TMEM171: variants seen among roughly 807,000 people sequenced by gnomAD.
The protein encoded by TMEM171 is proline-rich protein PRP2.
Under a neutral mutation model 19.1 loss-of-function variants are expected in TMEM171, and 16 were observed. That is an observed-to-expected ratio of 0.84 (90% CI 0.57 to 1.27). TMEM171 has a LOEUF of 1.27. Among genes scored for constraint, TMEM171 ranks in the 50% most tolerant of loss-of-function variants. TMEM171 has a pLI of 0.00. For synonymous variants in TMEM171, 153 were observed against 163.4 expected (o/e 0.94, Z 0.48); for missense variants, 429 against 412.7 (o/e 1.04, Z -0.34).
chr5:73,127,384 A>ATAATATATATATATATATATAT (rs1554078607), intron 2 of TMEM171, among the ~76,000 whole-genome samples: 3 of 81,696 alleles, frequency 3.7e-5, no homozygotes, highest in African/African-American at 2.0e-4. Context: ...AAAAAAAAAA[A>ATAATATATATATATATATATAT]ATATATATAT....
rs150651292 is a variant in TMEM171 at position 73,127,369 on chromosome 5, TAAAA to T, written c.641-1008_641-1005del. On this transcript the variant is annotated intron_variant, in intron 2 of 3. Transcript: ENST00000454765. ...AGGCCTACTTTTAAAAAATTTGTGG[TAAAA>T]AAAAAAAAAAAATATATATATATAT... Among the ~76,000 whole-genome samples, 26 of 97,196 alleles carry T rather than the reference TAAAA, an allele frequency of 2.7e-4. 1 individual carries two copies. Among genetic ancestry groups the T allele is most frequent in the African/African-American group, 1.1e-3 (21 of 19,234 alleles). 63.8% of individuals were successfully genotyped at this position (97,196 alleles called of 152,430 possible). A position where few individuals can be genotyped will look rare whatever the true frequency, so the allele number is the denominator to read the frequency against.
At chr5:73,125,288 G>T (rs947374156) in intron 2 of TMEM171, among the ~76,000 whole-genome samples, 1 of 152,174 alleles carries the variant, frequency 6.6e-6, no homozygotes, top group African/African-American at 2.4e-5. Context: ...ACCCATTTAA[G>T]TGCTTTATCA....
rs200094179 is a variant in TMEM171, at chr5:73,131,597, T to C, written c.842T>C (p.Ile281Thr). ...SERDCESIYT[I>T]SGTNSSSEAS... is the part of the protein sequence containing the mutation. ...AGAGACTGTGAATCTATATATACCA[T>C]TTCTGGGACGAATTCATCTTCTGAG... The change falls in exon 4 of 4, where the codon ATT (isoleucine) becomes ACT (threonine). Residue 281 changes from isoleucine (I) to threonine (T), a missense_variant. Physicochemically the swap from Ile to Thr is moderately conservative, Grantham distance 89. Transcript: ENST00000454765. The C allele has an allele frequency of 6.2e-6, 10 of 1,613,724 alleles. No individual in the cohort carries two copies. The African/African-American group carries it at 8.0e-5, about 13-fold the overall frequency.
At chr5:73,131,515 A>C (rs1377828215) in intron 3 of TMEM171, 23 bp from the exon 4 acceptor site, 1 of 1,552,376 alleles carries the variant, frequency 6.4e-7, no homozygotes, top group Non-Finnish European at 8.7e-7. Flanking sequence ...CCTCCCCTTC[A>C]TGTTCTCTCT....
Position 73,121,400 on chromosome 5 carries a change from CAACAAT to C in TMEM171, c.-69+710_-69+715del, listed in dbSNP as rs556635003. 1.4e-4 allele frequency among the ~76,000 whole-genome samples: 21 copies of C among 152,214 alleles called. No homozygotes were observed. The Middle Eastern group carries it at 0.014, about 99-fold the overall frequency. Reference sequence around the variant, plus strand: ...TGATTCAGGAAAAAAATTAAAACAACAACAATAACAAAAAACCAATATATATAGGTT... The same window carrying C: ...TGATTCAGGAAAAAAATTAAAACAACAACAAAAAACCAATATATATAGGTT... On this transcript the variant is annotated intron_variant, in intron 1 of 3. Coordinates refer to ENST00000454765, the MANE Select transcript of TMEM171 (RefSeq NM_173490.8).
intron 2 of TMEM171, 38 bp downstream of exon 2, chr5:73,124,051 G>A (rs1402462220): frequency 2.0e-6 from 3 of 1,491,204 alleles, no homozygotes; most frequent in South Asian, 2.8e-5. Flanking sequence ...TTCTATCACA[G>A]TGGCTTTGCA....
At chr5:73,124,040 CT>C (rs1744098472) in intron 2 of TMEM171, 27 bp downstream of exon 2, 1 of 1,507,046 alleles carries the variant, frequency 6.6e-7, no homozygotes, top group Non-Finnish European at 8.9e-7. Flanking sequence ...TGCGTTCTTG[CT>C]TCTATCACAG....
Position 73,123,881 on chromosome 5 carries a change from A to G in TMEM171, c.508A>G (p.Ile170Val). The G allele has an allele frequency of 1.2e-6, 2 of 1,613,920 alleles. No individual in the cohort carries two copies. Among genetic ancestry groups the G allele is most frequent in the Non-Finnish European group, 1.7e-6 (2 of 1,179,972 alleles). ...FLSLQIMGPLIVLVGLCFFVV... is the reference protein window; with the variant it reads ...FLSLQIMGPLVVLVGLCFFVV... ...TTCTCTGCAGATCATGGGGCCCTTG[A>G]TTGTGCTTGTGGGATTGTGTTTCTT... The change falls in exon 2 of 4, where the codon ATT (isoleucine) becomes GTT (valine). Residue 170 changes from isoleucine to valine, a missense_variant. Coordinates refer to ENST00000454765, the MANE Select transcript of TMEM171 (RefSeq NM_173490.8).
At chr5:73,124,111 A>G in intron 2 of TMEM171, 98 bp downstream of exon 2, 2 of 1,057,032 alleles carry the variant, frequency 1.9e-6, no homozygotes, top group Non-Finnish European at 2.7e-6. Context: ...CTCTTTCTCA[A>G]TTCTTCCATC....
Position 73,127,561 on chromosome 5 carries a change from C to T in TMEM171, c.641-829C>T, listed in dbSNP as rs544759932. Among the ~76,000 whole-genome samples the T allele has an allele frequency of 1.9e-3, 281 of 150,792 alleles. 1 individual carries two copies. The highest frequency in any genetic ancestry group is 1.1e-3 in the Non-Finnish European group (73 of 67,782). On this transcript the variant is annotated intron_variant, in intron 2 of 3. Coordinates refer to ENST00000454765, the MANE Select transcript of TMEM171 (RefSeq NM_173490.8). ...AAGCAATTCTCCTGCCTCAGCCTCCCGAATAGCTGGGATTACAGGCGCCTG... is the reference window on the plus strand; with the variant it reads ...AAGCAATTCTCCTGCCTCAGCCTCCTGAATAGCTGGGATTACAGGCGCCTG...
Position 73,131,790 on chromosome 5 carries a change from A to C in TMEM171, c.*60A>C. ...ATCACTATTTTATTTAATTTTTTTT[A>C]AATAAAAAATACAATAGCATTGGCT... is the stretch of plus-strand genomic sequence containing the variant. On this transcript the variant is annotated 3_prime_UTR_variant, in exon 4 of 4. Transcript: ENST00000454765. 7.1e-7 allele frequency: 1 copy of C among 1,410,964 alleles called. No homozygotes were observed. The highest frequency in any genetic ancestry group is 1.6e-5 in the South Asian group (1 of 63,402). 87.4% of individuals were successfully genotyped at this position (1,410,964 alleles called of 1,614,324 possible). A position where few individuals can be genotyped will look rare whatever the true frequency, so the allele number is the denominator to read the frequency against.
Position 73,123,941 on chromosome 5 carries a change from A to C in TMEM171, c.568A>C (p.Asn190His), listed in dbSNP as rs1744092812. ...CCATGTTAAGAAGAGAAACACGCTG[A>C]ATGCTGGCCAGGATGCCTCTGAGAG... Reference protein sequence around the residue: ...VAHVKKRNTLNAGQDASEREE... With the variant: ...VAHVKKRNTLHAGQDASEREE... The change falls in exon 2 of 4, where the codon AAT (asparagine) becomes CAT (histidine). Residue 190 changes from asparagine (N) to histidine (H), a missense_variant. By Grantham distance (68) the Asn-to-His change is moderately conservative. Coordinates refer to ENST00000454765, the MANE Select transcript of TMEM171 (RefSeq NM_173490.8). The C allele has an allele frequency of 1.9e-6, 3 of 1,611,874 alleles. No individual in the cohort carries two copies. Among genetic ancestry groups the C allele is most frequent in the Admixed American group, 1.7e-5 (1 of 59,660 alleles).
At position 73,120,606 on chromosome 5, in the gene TMEM171, C is replaced by T. The variant is rs866655738; in HGVS notation, c.-159C>T. 6 of 984,916 alleles carry T rather than the reference C, an allele frequency of 6.1e-6. No homozygotes were observed. Among genetic ancestry groups the T allele is most frequent in the Non-Finnish European group, 6.0e-6 (5 of 829,820 alleles). The allele number at this position is 984,916 out of a possible 1,614,324, so 61.0% of individuals were successfully genotyped here. On this transcript the variant is annotated 5_prime_UTR_variant, in exon 1 of 4. Coordinates refer to ENST00000454765, the MANE Select transcript of TMEM171 (RefSeq NM_173490.8). ...CGCGGTGGGTAGGGTGCAGGGCGGC[C>T]GGCGCAGCCGAGGCCGCGTGCGGAG...
At chr5:73,130,985 C>T (rs1580240694) in intron 3 of TMEM171, among the ~76,000 whole-genome samples, 1 of 152,198 alleles carries the variant, frequency 6.6e-6, no homozygotes, top group East Asian at 1.9e-4. Context: ...TTATCATCTT[C>T]ATTTCAAGAT....
chr5:73,123,850 G>T lies in TMEM171; in HGVS notation c.477G>T (p.Gly159=). ...DTGDSEPRMC[G]FLSLQIMGPL... is the part of the protein sequence containing the mutation. ...GCGACTCAGAGCCCCGGATGTGTGGGTTCCTTTCTCTGCAGATCATGGGGC... is the reference window on the plus strand; with the variant it reads ...GCGACTCAGAGCCCCGGATGTGTGGTTTCCTTTCTCTGCAGATCATGGGGC... Residue 159 remains glycine (G), a synonymous_variant, in exon 2 of 4, where the codon GGG becomes GGT. Coordinates refer to ENST00000454765, the MANE Select transcript of TMEM171 (RefSeq NM_173490.8). 1 of 1,613,844 alleles carries T rather than the reference G, an allele frequency of 6.2e-7. No individual in the cohort carries two copies. Among genetic ancestry groups the T allele is most frequent in the South Asian group, 1.1e-5 (1 of 91,028 alleles).
chr5:73,123,416 G>A lies in TMEM171; in HGVS notation c.43G>A (p.Asp15Asn). 1.9e-6 allele frequency: 3 copies of A among 1,614,184 alleles called. No individual in the cohort carries two copies. ...TGCTGAGCCAGATGGGGACCAGCAG[G>A]ACAGACACGTCAGCAAACTCATCTT... ...AAAEPDGDQQ[D>N]RHVSKLIFCF... is the part of the protein sequence containing the mutation. Residue 15 changes from aspartate (D) to asparagine (N), a missense_variant, in exon 2 of 4, where the codon GAC (aspartate) becomes AAC (asparagine). Transcript: ENST00000454765.
Position 73,123,387 on chromosome 5 carries a change from C to T in TMEM171, c.14C>T (p.Ala5Val). The change falls in exon 2 of 4, where the codon GCT becomes GTT. Residue 5 changes from alanine (A) to valine (V), a missense_variant. Physicochemically the swap from Ala to Val is moderately conservative, Grantham distance 64. Transcript: ENST00000454765. Reference sequence around the variant, plus strand: ...CCTCTCCTGGACATGTCTCCTGCAGCTGCTGCTGAGCCAGATGGGGACCAG... The same window carrying T: ...CCTCTCCTGGACATGTCTCCTGCAGTTGCTGCTGAGCCAGATGGGGACCAG... MSPAAAAEPDGDQQD... is the reference protein window; with the variant it reads MSPAVAAEPDGDQQD... The T allele has an allele frequency of 5.0e-6, 8 of 1,612,530 alleles. No individual in the cohort carries two copies. The highest frequency in any genetic ancestry group is 6.8e-6 in the Non-Finnish European group (8 of 1,178,776).
In TMEM171 at chr5:73,131,732, C is replaced by G; in HGVS notation, c.*2C>G. On this transcript the variant is annotated 3_prime_UTR_variant, in exon 4 of 4. Transcript: ENST00000454765. ...TCTTCTGAGCCTTCCCCACCGTAAACTATGGACTCTAGTTCAGTTTTATAT... is the reference window on the plus strand; with the variant it reads ...TCTTCTGAGCCTTCCCCACCGTAAAGTATGGACTCTAGTTCAGTTTTATAT... The G allele has an allele frequency of 6.3e-7, 1 of 1,599,822 alleles. No individual in the cohort carries two copies. Among genetic ancestry groups the G allele is most frequent in the Admixed American group, 1.8e-5 (1 of 56,986 alleles).
chr5:73,126,005 G>T (rs1744153197), intron 2 of TMEM171, among the ~76,000 whole-genome samples: 2 of 152,170 alleles, frequency 1.3e-5, no homozygotes, highest in South Asian at 4.1e-4. Flanking sequence ...TGTATATGTT[G>T]TCTGCTCACA....
Sources: gnomAD v4.1 joint callset for allele counts (sites outside exome capture counted in the v4.1 genomes callset) on GRCh38, gnomAD v4.1.1 for gene constraint, MANE v1.5 for transcripts, NCBI Gene and HGNC (gene_info 2026-07-23, HGNC 2026-07-21) for gene names.